Variants in DLAT observed in about 807,000 individuals in gnomAD.
DLAT encodes the protein dihydrolipoamide S-acetyltransferase.
Under a neutral mutation model 68.0 loss-of-function variants are expected in DLAT, and 43 were observed. The ratio of observed to expected loss-of-function variants is 0.63; its 90% CI spans 0.50 to 0.81. DLAT has a LOEUF of 0.81. Ranked by LOEUF, DLAT falls within the 40% of genes least tolerant of loss-of-function variation. The probability of loss-of-function intolerance (pLI) is 0.00; values close to 1 mark genes in which losing one functional copy is unlikely to be tolerated. For synonymous variants in DLAT, 265 were observed against 288.6 expected (o/e 0.92, Z 0.83); for missense variants, 745 against 815.4 (o/e 0.91, Z 1.05).
At chr11:112,026,148 GAGTT>G (rs782241513) in intron 1 of DLAT, 46 bp from the exon 2 acceptor site, 3 of 1,334,486 alleles carry the variant, frequency 2.2e-6, no homozygotes, top group South Asian at 2.5e-5. Flanking sequence ...GCCAGACTGA[GAGTT>G]AGGTAGTCCT....
rs1171603857 is a variant in DLAT at position 112,039,251 on chromosome 11, CT to C, written c.984del (p.Val329PhefsTer8). On this transcript the variant is annotated frameshift_variant, in exon 7 of 14. Transcript: ENST00000280346. LOFTEE classifies it high-confidence loss of function. ...VPPPTPPPVA[A>X]VPPTPQPLAP... ...GTAATTTTTTTTCAAAAGGTGGCCG[CT>C]GTTCCTCCAACTCCCCAGCCTTTAG... The C allele has an allele frequency of 1.9e-6, 3 of 1,613,954 alleles. No homozygotes were observed. In the Admixed American group the frequency reaches 5.0e-5, roughly 27 times the overall value.
chr11:112,046,623 C>A (rs1294231600), intron 10 of DLAT, among the ~76,000 whole-genome samples: 1 of 152,020 alleles, frequency 6.6e-6, no homozygotes, highest in Non-Finnish European at 1.5e-5. Flanking sequence ...CTTAGCCCCC[C>A]ACCCCCCTAC....
chr11:112,045,051 A>AC (rs1863233736), intron 8 of DLAT, 87 bp from the exon 9 acceptor site: 3 of 1,070,870 alleles, frequency 2.8e-6, no homozygotes, highest in African/African-American at 1.6e-5. Flanking sequence ...CAAAAAAAAA[A>AC]AACTGCATAG....
intron 11 of DLAT, among the ~76,000 whole-genome samples, chr11:112,052,955 G>A (rs1004206134): frequency 5.9e-5 from 9 of 152,142 alleles, no homozygotes; most frequent in African/African-American, 2.2e-4. Flanking sequence ...AGGAAATTCC[G>A]GTTCTAGGGG....
At chr11:112,056,799 T>C (rs1864118920) in intron 11 of DLAT, among the ~76,000 whole-genome samples, 1 of 152,268 alleles carries the variant, frequency 6.6e-6, no homozygotes, top group South Asian at 2.1e-4. Context: ...CAATAGTGGA[T>C]AAGTGTTCCA....
At chr11:112,036,167 A>G (rs57566799) in intron 5 of DLAT, among the ~76,000 whole-genome samples, 2,818 of 82,670 alleles carry the variant, frequency 0.034, 267 homozygotes, top group African/African-American at 0.14. Context: ...GTGTGTATAT[A>G]TGTGTGTGTG....
Position 112,064,367 on chromosome 11 carries a change from AAAAATT to A in DLAT, c.*1836_*1841del, listed in dbSNP as rs1236238486. On this transcript the variant is annotated 3_prime_UTR_variant, in exon 14 of 14. Coordinates refer to ENST00000280346, the MANE Select transcript of DLAT (RefSeq NM_001931.5). Reference sequence around the variant, plus strand: ...GTGTTTTTGGTTCATATGATTATTTAAAAATTAAAGTATAAATCTTCAATATGTCTG... The same window carrying A: ...GTGTTTTTGGTTCATATGATTATTTAAAAGTATAAATCTTCAATATGTCTG... 6.1e-6 allele frequency: 4 copies of A among 654,448 alleles called. No individual in the cohort carries two copies. 40.5% of individuals were successfully genotyped at this position (654,448 alleles called of 1,614,324 possible). A position where few individuals can be genotyped will look rare whatever the true frequency, so the allele number is the denominator to read the frequency against.
At chr11:112,059,353 CTT>C (rs1229235062) in intron 11 of DLAT, among the ~76,000 whole-genome samples, 17 of 130,594 alleles carry the variant, frequency 1.3e-4, no homozygotes, top group Non-Finnish European at 1.2e-4. Flanking sequence ...ATTTCTCATT[CTT>C]TTTTTTTTTT....
Position 112,025,447 on chromosome 11 carries a change from T to C in DLAT, c.-26T>C. On this transcript the variant is annotated 5_prime_UTR_variant, in exon 1 of 14. Transcript: ENST00000280346. ...GGTCACTCCGGAGACGGCGTTGGTT[T>C]TGGGGTGTGGGGGGTTGGTGGCACT... 6.2e-7 allele frequency: 1 copy of C among 1,605,462 alleles called. No individual in the cohort carries two copies. The highest frequency in any genetic ancestry group is 8.5e-7 in the Non-Finnish European group (1 of 1,177,754).
intron 5 of DLAT, 67 bp from the exon 6 acceptor site, chr11:112,037,206 T>G (rs1251358912): frequency 8.2e-6 from 12 of 1,462,002 alleles, no homozygotes; most frequent in Middle Eastern, 1.9e-4. Flanking sequence ...TACTTAAAAC[T>G]GTGCTGTGAG....
intron 4 of DLAT, among the ~76,000 whole-genome samples, chr11:112,029,654 T>G (rs1465108329): frequency 1.3e-5 from 2 of 151,938 alleles, no homozygotes; most frequent in Admixed American, 1.3e-4. Flanking sequence ...TCTTTTTTTT[T>G]TTTTCCACAT....
chr11:112,050,658 A>C (rs1661009696), intron 10 of DLAT, among the ~76,000 whole-genome samples: 1 of 152,126 alleles, frequency 6.6e-6, no homozygotes, highest in African/African-American at 2.4e-5. Context: ...TTACTTCTGT[A>C]AGGTAGATAG....
chr11:112,060,016 C>T lies in DLAT; in HGVS notation c.1628C>T (p.Ser543Phe). The change falls in exon 12 of 14, where the codon TCT becomes TTT. Residue 543 changes from serine (S) to phenylalanine (F), a missense_variant. By Grantham distance (155) the Ser-to-Phe change is radical. Coordinates refer to ENST00000280346, the MANE Select transcript of DLAT (RefSeq NM_001931.5). ...GAAACCATTGCTAATGATGTTGTTTCTTTAGCAACCAAAGCAAGAGAGGGT... is the reference window on the plus strand; with the variant it reads ...GAAACCATTGCTAATGATGTTGTTTTTTTAGCAACCAAAGCAAGAGAGGGT... ...GVETIANDVV[S>F]LATKAREGKL... The T allele has an allele frequency of 6.2e-7, 1 of 1,614,032 alleles. No individual in the cohort carries two copies. The highest frequency in any genetic ancestry group is 8.5e-7 in the Non-Finnish European group (1 of 1,180,000).
In DLAT at chr11:112,025,646, G is replaced by T. The variant is rs782501980; in HGVS notation, c.174G>T (p.Leu58=). Residue 58 remains leucine (L), a synonymous_variant, in exon 1 of 14, where the codon CTG becomes CTT. Coordinates refer to ENST00000280346, the MANE Select transcript of DLAT (RefSeq NM_001931.5). The stretch of plus-strand genomic sequence containing the variant: ...CAGGGTATGGCGGGGTCCGGGCACT[G>T]TGCGGCTGGACCCCCAGTTCTGGGG... ...VTTGYGGVRA[L]CGWTPSSGAT... 2 of 1,613,284 alleles carry T rather than the reference G, an allele frequency of 1.2e-6. No homozygotes were observed. The highest frequency in any genetic ancestry group is 2.2e-5 in the South Asian group (2 of 91,076).
At chr11:112,052,012 G>A (rs1024475204) in intron 11 of DLAT, among the ~76,000 whole-genome samples, 8 of 152,094 alleles carry the variant, frequency 5.3e-5, no homozygotes, top group East Asian at 1.9e-4. Context: ...AACAGACTCC[G>A]TGAGTTAAGT....
intron 10 of DLAT, among the ~76,000 whole-genome samples, chr11:112,050,966 C>G (rs902550150): frequency 1.1e-4 from 16 of 152,176 alleles, no homozygotes; most frequent in African/African-American, 3.9e-4. Flanking sequence ...TATTCTCTTT[C>G]TCTTCCTCCT....
chr11:112,041,546 G>T (rs2137773855), intron 7 of DLAT, among the ~76,000 whole-genome samples: 1 of 152,200 alleles, frequency 6.6e-6, no homozygotes, highest in East Asian at 1.9e-4. Flanking sequence ...GCTGTACACA[G>T]TCTGAAATGG....
At chr11:112,026,559 A>C (rs1862027139) in intron 2 of DLAT, among the ~76,000 whole-genome samples, 1 of 152,082 alleles carries the variant, frequency 6.6e-6, no homozygotes, top group Non-Finnish European at 1.5e-5. Context: ...GCATCTGTTT[A>C]ACAAAGCACA....
Position 112,062,852 on chromosome 11 carries a change from C to G in DLAT, c.*317C>G. The stretch of plus-strand genomic sequence containing the variant: ...ATGTACGATAGGTAGAATTGTGGTT[C>G]CCTAAAGACAAGTACATAAAGGTGA... On this transcript the variant is annotated 3_prime_UTR_variant, in exon 14 of 14. Coordinates refer to ENST00000280346, the MANE Select transcript of DLAT (RefSeq NM_001931.5). The G allele has an allele frequency of 3.0e-6, 1 of 334,708 alleles. No homozygotes were observed. Among genetic ancestry groups the G allele is most frequent in the Non-Finnish European group, 5.8e-6 (1 of 173,618 alleles). The allele number at this position is 334,708 out of a possible 1,614,324, so 20.7% of individuals were successfully genotyped here.
Sources: allele counts gnomAD v4.1 joint callset (sites outside exome capture counted in the v4.1 genomes callset), GRCh38; gene constraint gnomAD v4.1.1; transcripts MANE v1.5; gene names NCBI Gene and HGNC (gene_info 2026-07-23, HGNC 2026-07-21).